CHL1: variants seen among roughly 807,000 people sequenced by gnomAD.
The protein encoded by CHL1 is neural cell adhesion molecule L1-like protein.
A neutral mutation model predicts 141.9 loss-of-function variants in CHL1; 96 were observed. The observed-to-expected ratio is 0.68, with a 90% confidence interval of 0.57 to 0.80. The LOEUF is 0.80. Ranked by LOEUF, CHL1 falls within the 30% of genes least tolerant of loss-of-function variation. CHL1 has a pLI of 0.00. For missense variants in CHL1, 1,820 were observed against 1,457.2 expected, an observed-to-expected ratio of 1.25 and a Z score of -4.05; for synonymous variants, 613 against 502.2, an observed-to-expected ratio of 1.22 and a Z score of -2.95.
At chr3:290,423 G>A (rs1203672249) in intron 2 of CHL1, among the ~76,000 whole-genome samples, 1 of 152,104 alleles carries the variant, frequency 6.6e-6, no homozygotes, top group Non-Finnish European at 1.5e-5. Flanking sequence ...TGGATAATGA[G>A]AACAGACAGT....
intron 2 of CHL1, among the ~76,000 whole-genome samples, chr3:265,560 A>T (rs1012295946): frequency 4.6e-5 from 7 of 152,192 alleles, no homozygotes; most frequent in African/African-American, 1.7e-4. Flanking sequence ...GTTTGATCTG[A>T]TTCTGCAGTT....
At chr3:284,315 A>C (rs1430976137) in intron 2 of CHL1, among the ~76,000 whole-genome samples, 1 of 152,190 alleles carries the variant, frequency 6.6e-6, no homozygotes, top group Non-Finnish European at 1.5e-5. Context: ...GATGTGAAAA[A>C]TTTATTCATT....
intron 15 of CHL1, among the ~76,000 whole-genome samples, chr3:372,334 TG>T (rs1705740824): frequency 1.3e-5 from 2 of 152,174 alleles, no homozygotes; most frequent in African/African-American, 2.4e-5. Flanking sequence ...TAGTCTTGTC[TG>T]CACACTGTAT....
chr3:304,686 A>G (rs1022170111), intron 2 of CHL1, among the ~76,000 whole-genome samples: 4 of 152,080 alleles, frequency 2.6e-5, no homozygotes, highest in African/African-American at 9.7e-5. Flanking sequence ...TTTTTCAATA[A>G]ACCAGCTCCT....
chr3:342,599 A>G (rs1702426003), intron 7 of CHL1, among the ~76,000 whole-genome samples: 2 of 152,190 alleles, frequency 1.3e-5, no homozygotes, highest in South Asian at 4.1e-4. Flanking sequence ...AAGGGAAGAA[A>G]TAATCCCCAA....
At chr3:340,958 A>T (rs1249139826) in intron 6 of CHL1, 42 bp downstream of exon 6, 2 of 1,568,574 alleles carry the variant, frequency 1.3e-6, no homozygotes, top group Non-Finnish European at 1.7e-6. Flanking sequence ...GGACATTTTA[A>T]TTCTATCCAT....
intron 11 of CHL1, among the ~76,000 whole-genome samples, chr3:358,305 A>G (rs921344207): frequency 6.6e-6 from 1 of 152,044 alleles, no homozygotes; most frequent in Non-Finnish European, 1.5e-5. Flanking sequence ...CTCTCTGACC[A>G]TCCTTCCATG....
intron 2 of CHL1, among the ~76,000 whole-genome samples, chr3:316,224 T>C (rs929692596): frequency 1.3e-5 from 2 of 152,062 alleles, no homozygotes; most frequent in Non-Finnish European, 2.9e-5. Context: ...TGCAGCTCTA[T>C]TTTACAGGTT....
At chr3:288,555 T>A (rs762730777) in intron 2 of CHL1, among the ~76,000 whole-genome samples, 1 of 152,190 alleles carries the variant, frequency 6.6e-6, no homozygotes, top group African/African-American at 2.4e-5. Context: ...ACAGATCCTA[T>A]CATGATCCCT....
intron 9 of CHL1, among the ~76,000 whole-genome samples, chr3:348,561 G>A (rs1364864669): frequency 6.6e-6 from 1 of 152,156 alleles, no homozygotes; most frequent in East Asian, 1.9e-4. Flanking sequence ...TCTTAATGTA[G>A]CTGCCTTGAC....
chr3:285,154 C>T (rs73007545), intron 2 of CHL1, among the ~76,000 whole-genome samples: 1,760 of 152,304 alleles, frequency 0.012, 23 homozygotes, highest in Non-Finnish European at 0.014. Flanking sequence ...TCACCTTTCA[C>T]CTTTTATGCT....
chr3:345,704 C>A lies in CHL1; in HGVS notation c.848+995C>A, dbSNP rs1016396979. On this transcript the variant is annotated intron_variant, in intron 9 of 27. Transcript: ENST00000256509. ...TTCAACATGTTAGCCAGGAAGGTCT[C>A]GATCTCCGGACCCTGTGATCCACCT... Among the ~76,000 whole-genome samples, 3 of 151,968 alleles carry A rather than the reference C, an allele frequency of 2.0e-5. 1 individual carries two copies. In the East Asian group the frequency reaches 5.8e-4, roughly 30 times the overall value.
intron 1 of CHL1, among the ~76,000 whole-genome samples, chr3:222,467 C>T (rs953590855): frequency 1.4e-4 from 22 of 152,314 alleles, no homozygotes; most frequent in African/African-American, 5.1e-4. Context: ...CCTAATTACC[C>T]AATCAAACCC....
intron 1 of CHL1, among the ~76,000 whole-genome samples, chr3:241,816 A>C (rs1253051775): frequency 4.6e-5 from 7 of 151,994 alleles, no homozygotes; most frequent in African/African-American, 1.7e-4. Context: ...GTATCTCTTA[A>C]GTAAAAGAAA....
At position 344,660 on chromosome 3, in the gene CHL1, A is replaced by G; in HGVS notation, c.799A>G (p.Thr267Ala). The change falls in exon 9 of 28, where the codon ACC becomes GCC. Residue 267 changes from threonine (T) to alanine (A), a missense_variant. Coordinates refer to ENST00000256509, the MANE Select transcript of CHL1 (RefSeq NM_006614.4). ...PTESGSESSI[T>A]ILKGEILLLE... ...TGAGAGTGGCAGTGAGTCTTCAATTACCATCCTCAAAGGGGAAATCTTGCT... is the reference window on the plus strand; with the variant it reads ...TGAGAGTGGCAGTGAGTCTTCAATTGCCATCCTCAAAGGGGAAATCTTGCT... 1 of 1,613,812 alleles carries G rather than the reference A, an allele frequency of 6.2e-7. No individual in the cohort carries two copies. The highest frequency in any genetic ancestry group is 8.5e-7 in the Non-Finnish European group (1 of 1,179,762).
intron 1 of CHL1, among the ~76,000 whole-genome samples, chr3:221,003 C>T (rs573211571): frequency 6.6e-6 from 1 of 152,198 alleles, no homozygotes; most frequent in Admixed American, 6.5e-5. Context: ...AAGACACTCC[C>T]TTCTATCGAT....
rs920585292 is a variant in CHL1, at chr3:398,301, G to A, written c.3169G>A (p.Ala1057Thr). 1.9e-6 allele frequency: 3 copies of A among 1,607,920 alleles called. No individual in the cohort carries two copies. The highest frequency in any genetic ancestry group is 4.5e-5 in the East Asian group (2 of 44,808). The change falls in exon 25 of 28, where the codon GCT (alanine) becomes ACT (threonine). Residue 1057 changes from alanine (A) to threonine (T), a missense_variant. By Grantham distance (58) the Ala-to-Thr change is moderately conservative. Transcript: ENST00000256509. Reference protein sequence around the residue: ...THPIEVFEPGAEHIVRLMTKN... With the variant: ...THPIEVFEPGTEHIVRLMTKN... ...CCCAATAGAGGTATTTGAGCCGGGA[G>A]CTGAACATATAGTTCGCCTAATGAC...
chr3:331,002 G>A (rs1701392574), intron 5 of CHL1, among the ~76,000 whole-genome samples: 1 of 152,024 alleles, frequency 6.6e-6, no homozygotes, highest in Non-Finnish European at 1.5e-5. Context: ...ACTAAACATT[G>A]TGGAACAATT....
intron 2 of CHL1, among the ~76,000 whole-genome samples, chr3:289,765 T>C (rs1697502387): frequency 6.6e-6 from 1 of 151,694 alleles, no homozygotes; most frequent in East Asian, 1.9e-4. Context: ...TTAATACATT[T>C]ATTTAATACA....
Sources: gnomAD v4.1 joint callset for allele counts (sites outside exome capture counted in the v4.1 genomes callset) on GRCh38, gnomAD v4.1.1 for gene constraint, MANE v1.5 for transcripts, NCBI Gene and HGNC (gene_info 2026-07-23, HGNC 2026-07-21) for gene names.